GTF2IRD1: variants seen among roughly 807,000 people sequenced by gnomAD.
The protein encoded by GTF2IRD1 is GTF2I repeat domain containing 1.
GTF2IRD1 carries 26 observed loss-of-function variants against 113.2 expected under a neutral mutation model. That is an observed-to-expected ratio of 0.23 (90% CI 0.17 to 0.32). The LOEUF (loss-of-function observed/expected upper bound fraction) is 0.32, where lower values mean the gene tolerates loss of function less well. Ranked by LOEUF, GTF2IRD1 falls within the 10% of genes least tolerant of loss-of-function variation. GTF2IRD1 has a pLI of 1.00. For missense variants in GTF2IRD1, 864 were observed against 1,280.8 expected, an observed-to-expected ratio of 0.67 and a Z score of 4.97; for synonymous variants, 484 against 529.1, an observed-to-expected ratio of 0.91 and a Z score of 1.17.
At chr7:74,552,554 C>T (rs1799375770) in intron 17 of GTF2IRD1, among the ~76,000 whole-genome samples, 1 of 151,178 alleles carries the variant, frequency 6.6e-6, no homozygotes, top group Non-Finnish European at 1.5e-5. Context: ...AGCCAGATCA[C>T]ATGGATTTTG....
At chr7:74,531,852 G>A (rs1256745619) in intron 9 of GTF2IRD1, among the ~76,000 whole-genome samples, 2 of 152,106 alleles carry the variant, frequency 1.3e-5, no homozygotes, top group African/African-American at 4.8e-5. Context: ...TGGTGGTACA[G>A]CTCTCTGCCC....
chr7:74,572,322 A>ACTATCTCTGATCTTGGATAAGTTAACTTG (rs1242384861), intron 22 of GTF2IRD1, among the ~76,000 whole-genome samples: 42 of 152,232 alleles, frequency 2.8e-4, no homozygotes, highest in Non-Finnish European at 1.9e-4. Context: ...AAGTTAACCT[A>ACTATCTCTGATCTTGGATAAGTTAACTTG]CTATCTCTGA....
At chr7:74,585,719 T>C (rs1188181173) in intron 22 of GTF2IRD1, among the ~76,000 whole-genome samples, 2 of 151,726 alleles carry the variant, frequency 1.3e-5, no homozygotes, top group Non-Finnish European at 2.9e-5. Flanking sequence ...CCATCTCTAC[T>C]AAAAATACAA....
chr7:74,587,821 G>A (rs1218146833), intron 22 of GTF2IRD1, among the ~76,000 whole-genome samples: 8 of 152,132 alleles, frequency 5.3e-5, no homozygotes, highest in Non-Finnish European at 1.2e-4. Flanking sequence ...CTAGGCTACA[G>A]GGAGGGGAGA....
chr7:74,522,244 T>TAA (rs79083668), intron 7 of GTF2IRD1, among the ~76,000 whole-genome samples: 10,251 of 142,412 alleles, frequency 0.072, 1,072 homozygotes, highest in African/African-American at 0.24. Flanking sequence ...GTGATATATT[T>TAA]AAAAAAAAAA....
chr7:74,580,280 G>C (rs1487842344), intron 22 of GTF2IRD1, among the ~76,000 whole-genome samples: 2 of 152,114 alleles, frequency 1.3e-5, no homozygotes, highest in African/African-American at 2.4e-5. Context: ...TGGTTCAGGA[G>C]GGGAGAGAAG....
intron 24 of GTF2IRD1, among the ~76,000 whole-genome samples, chr7:74,591,640 A>C (rs1320706957): frequency 3.3e-5 from 5 of 152,158 alleles, no homozygotes; most frequent in African/African-American, 1.2e-4. Context: ...TCAGCCTCCC[A>C]AAGTGCTGGG....
intron 24 of GTF2IRD1, 68 bp downstream of exon 24, chr7:74,591,085 C>A: frequency 8.9e-7 from 1 of 1,120,136 alleles, no homozygotes; most frequent in South Asian, 1.4e-5. Context: ...AAGTCAAGGT[C>A]ACGGTGGGTC....
chr7:74,575,722 AG>A (rs1338459433), intron 22 of GTF2IRD1, among the ~76,000 whole-genome samples: 5 of 152,162 alleles, frequency 3.3e-5, no homozygotes, highest in African/African-American at 1.2e-4. Context: ...GGGTGGAGAC[AG>A]GGAAGATGCA....
intron 24 of GTF2IRD1, among the ~76,000 whole-genome samples, chr7:74,593,014 C>G (rs1394577956): frequency 6.6e-6 from 1 of 151,642 alleles, no homozygotes; most frequent in East Asian, 2.0e-4. Flanking sequence ...CCCGCCACCA[C>G]ACCTGGCTAA....
At chr7:74,467,829 G>A (rs2116968420) in intron 1 of GTF2IRD1, among the ~76,000 whole-genome samples, 1 of 152,250 alleles carries the variant, frequency 6.6e-6, no homozygotes, top group African/African-American at 2.4e-5. Context: ...GAGTAGCTGG[G>A]ATTACAGGCG....
At chr7:74,570,250 C>G (rs587707915) in intron 22 of GTF2IRD1, among the ~76,000 whole-genome samples, 175 of 151,886 alleles carry the variant, frequency 1.2e-3, no homozygotes, top group African/African-American at 4.2e-3. Context: ...GTAATCCCAG[C>G]TACTCGGGAG....
intron 1 of GTF2IRD1, among the ~76,000 whole-genome samples, chr7:74,485,510 G>A (rs954770261): frequency 1.4e-4 from 21 of 152,110 alleles, no homozygotes; most frequent in Admixed American, 4.6e-4. Flanking sequence ...CCAGCTACTC[G>A]GGAGGCTGAG....
At chr7:74,460,502 T>C (rs558751379) in intron 1 of GTF2IRD1, among the ~76,000 whole-genome samples, 2 of 152,130 alleles carry the variant, frequency 1.3e-5, no homozygotes, top group African/African-American at 4.8e-5. Flanking sequence ...CCACCTCAGC[T>C]TCCCAAAGTG....
chr7:74,492,232 G>A (rs1215759435), intron 1 of GTF2IRD1, among the ~76,000 whole-genome samples: 10 of 150,034 alleles, frequency 6.7e-5, no homozygotes, highest in South Asian at 2.1e-4. Context: ...GTTCAGTGGC[G>A]TGATCTCGGC....
At chr7:74,496,797 G>C (rs1554338200) in intron 1 of GTF2IRD1, among the ~76,000 whole-genome samples, 2 of 151,986 alleles carry the variant, frequency 1.3e-5, no homozygotes, top group African/African-American at 4.8e-5. Context: ...CTAGTCTTAG[G>C]AACGACACTC....
chr7:74,497,028 G>A (rs1335758982), intron 1 of GTF2IRD1, among the ~76,000 whole-genome samples: 5 of 152,020 alleles, frequency 3.3e-5, no homozygotes, highest in East Asian at 1.9e-4. Context: ...CAGGCATGGC[G>A]GTGCACACCT....
intron 1 of GTF2IRD1, among the ~76,000 whole-genome samples, chr7:74,484,792 T>G (rs1349663396): frequency 6.6e-6 from 1 of 152,164 alleles, no homozygotes; most frequent in Non-Finnish European, 1.5e-5. Flanking sequence ...AATATTCCAT[T>G]GTATGGATAG....
chr7:74,528,669 G>A (rs1554347734), intron 8 of GTF2IRD1, among the ~76,000 whole-genome samples: 1 of 135,666 alleles, frequency 7.4e-6, no homozygotes, highest in African/African-American at 2.7e-5. Flanking sequence ...GCAAACACCT[G>A]AAAGGAGGGA....
Sources: allele counts gnomAD v4.1 joint callset (sites outside exome capture counted in the v4.1 genomes callset), GRCh38; gene constraint gnomAD v4.1.1; transcripts MANE v1.5; gene names NCBI Gene and HGNC (gene_info 2026-07-23, HGNC 2026-07-21).